The following ZNF160 variants were observed in gnomAD, a reference collection of about 807,000 sequenced individuals.
ZNF160 encodes the protein KRAB zinc finger protein KR18.
ZNF160 carries 9 observed loss-of-function variants against 13.1 expected under a neutral mutation model. That is an observed-to-expected ratio of 0.69 (90% CI 0.41 to 1.20). ZNF160 has a LOEUF of 1.20. Ranked by LOEUF, ZNF160 falls within the 50% of genes most tolerant of loss-of-function variation. The probability of loss-of-function intolerance (pLI) is 0.01; values close to 1 mark genes in which losing one functional copy is unlikely to be tolerated. For missense variants in ZNF160, 838 were observed against 988.0 expected (o/e 0.85, Z 2.04); for synonymous variants, 293 against 333.2 (o/e 0.88, Z 1.31).
intron 5 of ZNF160, chr19:53,073,492 T>C: frequency 6.3e-7 from 1 of 1,598,020 alleles, no homozygotes; most frequent in Non-Finnish European, 8.5e-7. Context: ...AGCCAATGTT[T>C]CCATCTCCTG....
At chr19:53,099,335 T>C (rs569449182) in intron 1 of ZNF160, among the ~76,000 whole-genome samples, 1 of 152,140 alleles carries the variant, frequency 6.6e-6, no homozygotes, top group Non-Finnish European at 1.5e-5. Flanking sequence ...AGGAAAGGTT[T>C]TGATGTTTGG....
chr19:53,078,045 G>C (rs562444051), intron 3 of ZNF160, among the ~76,000 whole-genome samples: 1 of 152,120 alleles, frequency 6.6e-6, no homozygotes, highest in Non-Finnish European at 1.5e-5. Flanking sequence ...TTCGAGACCA[G>C]CCTGGCCAAC....
chr19:53,099,605 C>A (rs1196127290), intron 1 of ZNF160, among the ~76,000 whole-genome samples: 1 of 152,208 alleles, frequency 6.6e-6, no homozygotes, highest in Non-Finnish European at 1.5e-5. Context: ...TGAGTCTACA[C>A]CCCAGCTTCC....
At chr19:53,073,636 G>T in intron 5 of ZNF160, 1 of 1,270,732 alleles carries the variant, frequency 7.9e-7, no homozygotes, top group Non-Finnish European at 1.0e-6. Flanking sequence ...AATACAGAGG[G>T]AGAGACCAAG....
chr19:53,074,163 T>A lies in ZNF160; in HGVS notation c.248A>T (p.Glu83Val), dbSNP rs1255693472. The change falls in exon 5 of 6, where the codon GAA (glutamate) becomes GTA (valine). Residue 83 changes from glutamate to valine, a missense_variant. Coordinates refer to ENST00000683776, the MANE Select transcript of ZNF160 (RefSeq NM_001322131.2). ...ACCTGTGACCACGCCTTTGACACATTCCGGCGTTCTTGGTTTTCTTGCTAT... is the reference window on the plus strand; with the variant it reads ...ACCTGTGACCACGCCTTTGACACATACCGGCGTTCTTGGTTTTCTTGCTAT... ...VKIARKPRTPECVKGVVTDIP... is the reference protein window; with the variant it reads ...VKIARKPRTPVCVKGVVTDIP... The A allele has an allele frequency of 6.2e-7, 1 of 1,614,036 alleles. No individual in the cohort carries two copies.
intron 1 of ZNF160, among the ~76,000 whole-genome samples, chr19:53,100,876 G>A (rs2085422213): frequency 6.6e-6 from 1 of 151,972 alleles, no homozygotes; most frequent in Non-Finnish European, 1.5e-5. Flanking sequence ...CCAGCTACTT[G>A]GGAGGCTGAG....
chr19:53,091,822 C>T (rs1488350226), intron 1 of ZNF160, 102 bp from the exon 2 acceptor site: 1 of 152,268 alleles, frequency 6.6e-6, no homozygotes, highest in Non-Finnish European at 1.5e-5. Flanking sequence ...TGTACAATTT[C>T]ATGCTGATCA....
intron 5 of ZNF160, 47 bp from the exon 6 acceptor site, chr19:53,070,309 GAAAT>G: frequency 6.9e-7 from 1 of 1,451,252 alleles, no homozygotes. Context: ...TTACAGTATA[GAAAT>G]AAATATTTTA....
At chr19:53,099,745 C>T (rs921292024) in intron 1 of ZNF160, among the ~76,000 whole-genome samples, 5 of 152,178 alleles carry the variant, frequency 3.3e-5, no homozygotes, top group Admixed American at 1.3e-4. Flanking sequence ...CCAATTCTGC[C>T]AAACATTAAG....
chr19:53,071,491 C>T (rs891002136), intron 5 of ZNF160, among the ~76,000 whole-genome samples: 6 of 143,824 alleles, frequency 4.2e-5, no homozygotes, highest in African/African-American at 1.5e-4. Context: ...GGTGAGGTTG[C>T]GCCACTGCAC....
At chr19:53,094,723 T>C (rs897414022) in intron 1 of ZNF160, among the ~76,000 whole-genome samples, 3 of 152,228 alleles carry the variant, frequency 2.0e-5, no homozygotes, top group African/African-American at 7.2e-5. Flanking sequence ...GTCCCTGGAC[T>C]GAAAATAAGC....
In ZNF160 at chr19:53,074,200, T is replaced by G. The variant is rs377678615; in HGVS notation, c.211A>C (p.Ser71Arg). The change falls in exon 5 of 6, where the codon AGC (serine) becomes CGC (arginine). Residue 71 changes from serine to arginine, a missense_variant. By Grantham distance (110) the Ser-to-Arg change is moderately radical. Coordinates refer to ENST00000683776, the MANE Select transcript of ZNF160 (RefSeq NM_001322131.2). ...GGTTTTCTTGCTATTTTCACACAGC[T>G]CTTCACAGTCCAGGGCTCTTTCCCT... ...EEGKEPWTVK[S>R]CVKIARKPRT... 25 of 1,613,990 alleles carry G rather than the reference T, an allele frequency of 1.5e-5. No homozygotes were observed. Among genetic ancestry groups the G allele is most frequent in the African/African-American group, 2.7e-5 (2 of 74,890 alleles).
At position 53,087,711 on chromosome 19, in the gene ZNF160, CG is replaced by C. The variant is rs780196081; in HGVS notation, c.-45-1391del. 2.5e-3 allele frequency among the ~76,000 whole-genome samples: 377 copies of C among 152,210 alleles called. 2 individuals carry two copies. Among genetic ancestry groups the C allele is most frequent in the African/African-American group, 8.5e-3 (353 of 41,538 alleles). On this transcript the variant is annotated intron_variant, in intron 2 of 5. Coordinates refer to ENST00000683776, the MANE Select transcript of ZNF160 (RefSeq NM_001322131.2). ...GATTACAGGCGCCCGCCACCACGCC[CG>C]GCTAATTTTTTGTATTTTTAGTAGA...
chr19:53,098,557 C>CAAG (rs1444483577), intron 1 of ZNF160, among the ~76,000 whole-genome samples: 1 of 151,532 alleles, frequency 6.6e-6, no homozygotes, highest in Non-Finnish European at 1.5e-5. Context: ...GGAGGATGTC[C>CAAG]AAGAAAAAGA....
At chr19:53,095,012 C>G (rs10409828) in intron 1 of ZNF160, among the ~76,000 whole-genome samples, 41,136 of 146,958 alleles carry the variant, frequency 0.28, 6,506 homozygotes, top group African/African-American at 0.42. Context: ...TGCCCAGACC[C>G]CAGCCCAGGG....
chr19:53,077,728 T>C (rs2084453660), intron 3 of ZNF160, among the ~76,000 whole-genome samples: 1 of 148,316 alleles, frequency 6.7e-6, no homozygotes, highest in South Asian at 2.2e-4. Flanking sequence ...CAGCAACATA[T>C]TAAATCACCA....
chr19:53,069,911 T>G lies in ZNF160; in HGVS notation c.623A>C (p.Glu208Ala). 1.9e-6 allele frequency: 3 copies of G among 1,614,208 alleles called. No individual in the cohort carries two copies. Among genetic ancestry groups the G allele is most frequent in the Non-Finnish European group, 2.5e-6 (3 of 1,180,040 alleles). The change falls in exon 6 of 6, where the codon GAG (glutamate) becomes GCG (alanine). Residue 208 changes from glutamate (E) to alanine (A), a missense_variant. Physicochemically the swap from Glu to Ala is moderately radical, Grantham distance 107 (BLOSUM62 -1). Around this residue, in one of 3 missense-constraint regions of ZNF160, gnomAD observed 387 missense variants for 402.3 expected, o/e 0.96. Coordinates refer to ENST00000683776, the MANE Select transcript of ZNF160 (RefSeq NM_001322131.2). The surrounding 1 kb of genome is among the most constrained non-coding windows in gnomAD (Gnocchi z 4.4). ...EGKMYECNQV[E>A]KSTNNGSSVS... ...TGAGGAACCATTGTTGGTAGACTTC[T>G]CAACTTGATTACATTCATACATTTT...
At chr19:53,071,307 T>C (rs2084166147) in intron 5 of ZNF160, among the ~76,000 whole-genome samples, 1 of 151,894 alleles carries the variant, frequency 6.6e-6, no homozygotes, top group South Asian at 2.1e-4. Flanking sequence ...TCCCAACACT[T>C]TGGGAGGCCG....
chr19:53,103,059 G>C (rs533135259), intron 1 of ZNF160, among the ~76,000 whole-genome samples: 3 of 152,192 alleles, frequency 2.0e-5, no homozygotes, highest in Non-Finnish European at 4.4e-5. Context: ...GCCCAGGGCA[G>C]GCGGTGAGGA....
Sources: gnomAD v4.1 joint callset for allele counts (sites outside exome capture counted in the v4.1 genomes callset) on GRCh38, gnomAD v4.1.1 for gene constraint, gnomAD v4.1.1 regional missense constraint, Gnocchi (gnomAD v3.1) non-coding constraint, MANE v1.5 for transcripts, NCBI Gene and HGNC (gene_info 2026-07-23, HGNC 2026-07-21) for gene names.